TTC28: variants seen among roughly 807,000 people sequenced by gnomAD.
TTC28 encodes tetratricopeptide repeat protein 28.
Under a neutral mutation model 198.0 loss-of-function variants are expected in TTC28, and 61 were observed. That is an observed-to-expected ratio of 0.31 (90% CI 0.25 to 0.38). TTC28 has a LOEUF of 0.38. TTC28 is among the 10% of genes least tolerant of loss of function. The pLI is 1.00. For synonymous variants in TTC28, 1,171 were observed against 1,297.8 expected, an observed-to-expected ratio of 0.90 and a Z score of 2.10; for missense variants, 2,678 against 3,164.0, an observed-to-expected ratio of 0.85 and a Z score of 3.69.
At chr22:28,215,212 C>T (rs1227122827) in intron 5 of TTC28, among the ~76,000 whole-genome samples, 1 of 152,162 alleles carries the variant, frequency 6.6e-6, no homozygotes, top group Non-Finnish European at 1.5e-5. Context: ...AGCACACCAA[C>T]ATGGCACATG....
At chr22:28,117,954 G>T (rs1411477874) in intron 6 of TTC28, among the ~76,000 whole-genome samples, 3 of 152,178 alleles carry the variant, frequency 2.0e-5, no homozygotes, top group Non-Finnish European at 4.4e-5. Context: ...TGGATTATTT[G>T]TCACACAAAG....
chr22:28,403,438 C>T (rs2046950435), intron 2 of TTC28, among the ~76,000 whole-genome samples: 1 of 152,156 alleles, frequency 6.6e-6, no homozygotes, highest in Non-Finnish European at 1.5e-5. Context: ...ATAAAATGAA[C>T]AATTGCCCTG....
chr22:28,059,443 T>G (rs566804431), intron 12 of TTC28, among the ~76,000 whole-genome samples: 1 of 152,154 alleles, frequency 6.6e-6, no homozygotes, highest in South Asian at 2.1e-4. Flanking sequence ...TCAAAATGTG[T>G]TTTATAGTCT....
At chr22:28,330,252 C>T (rs892574930) in intron 2 of TTC28, among the ~76,000 whole-genome samples, 31 of 152,122 alleles carry the variant, frequency 2.0e-4, no homozygotes, top group African/African-American at 7.5e-4. Flanking sequence ...CCTAGTATTA[C>T]CTATATTTCA....
intron 2 of TTC28, among the ~76,000 whole-genome samples, chr22:28,474,215 A>T (rs2048132860): frequency 6.6e-6 from 1 of 152,268 alleles, no homozygotes. Context: ...TAGAAAGCAG[A>T]TGAACAAGTG....
intron 6 of TTC28, among the ~76,000 whole-genome samples, chr22:28,151,400 A>G (rs1943605617): frequency 6.6e-6 from 1 of 152,214 alleles, no homozygotes; most frequent in Admixed American, 6.5e-5. Context: ...TTCCAGCAAC[A>G]GTTTTGCAGC....
rs115199188 is a variant in TTC28, at chr22:28,063,993, C to T, written c.3932+30087G>A. Among the ~76,000 whole-genome samples, 537 of 152,172 alleles carry T rather than the reference C, an allele frequency of 3.5e-3. 4 individuals carry two copies. The highest frequency in any genetic ancestry group is 0.012 in the African/African-American group (509 of 41,508). On this transcript the variant is annotated intron_variant, in intron 12 of 22. Coordinates refer to ENST00000397906, the MANE Select transcript of TTC28 (RefSeq NM_001145418.2). ...TAGGAGGGTTCTTGTATCTGCAGAG[C>T]ATTTGTTGAAATGAACTGTAAAAAG...
chr22:28,195,986 C>T (rs1413403085), intron 5 of TTC28, among the ~76,000 whole-genome samples: 1 of 151,878 alleles, frequency 6.6e-6, no homozygotes, highest in Non-Finnish European at 1.5e-5. Flanking sequence ...CAAGTCAATC[C>T]TAAGCCAAAA....
intron 5 of TTC28, among the ~76,000 whole-genome samples, chr22:28,180,840 G>A (rs1455519466): frequency 1.3e-5 from 2 of 152,126 alleles, no homozygotes; most frequent in African/African-American, 2.4e-5. Flanking sequence ...TAATTACATG[G>A]TCTTTAATGG....
At chr22:28,534,516 G>C (rs1176187900) in intron 2 of TTC28, among the ~76,000 whole-genome samples, 2 of 152,124 alleles carry the variant, frequency 1.3e-5, no homozygotes, top group African/African-American at 2.4e-5. Context: ...GATTCCTCAA[G>C]GATTTAGAAC....
chr22:28,453,662 C>A (rs567918934), intron 2 of TTC28, among the ~76,000 whole-genome samples: 1 of 152,296 alleles, frequency 6.6e-6, no homozygotes, highest in South Asian at 2.1e-4. Flanking sequence ...GTCCTCAGCT[C>A]TCTCCCAACA....
At chr22:28,034,304 T>A (rs1418249751) in intron 12 of TTC28, among the ~76,000 whole-genome samples, 4 of 152,140 alleles carry the variant, frequency 2.6e-5, no homozygotes, top group African/African-American at 9.7e-5. Context: ...CACCAGCTGC[T>A]CAGGACTGGC....
Position 28,107,061 on chromosome 22 carries a change from C to A in TTC28, c.2783+1G>T. The A allele has an allele frequency of 6.5e-7, 1 of 1,544,670 alleles. No individual in the cohort carries two copies. The highest frequency in any genetic ancestry group is 1.2e-5 in the South Asian group (1 of 83,288). Reference sequence around the variant, plus strand: ...CCACAATTGTCCTTGGTCATTTTTACCTGTGTCCATTTCCCAGGCCCCGGT... The same window carrying A: ...CCACAATTGTCCTTGGTCATTTTTAACTGTGTCCATTTCCCAGGCCCCGGT... On this transcript the variant is annotated splice_donor_variant, in intron 7 of 22. Transcript: ENST00000397906. LOFTEE classifies it high-confidence loss of function.
intron 5 of TTC28, among the ~76,000 whole-genome samples, chr22:28,182,260 A>G (rs1467868534): frequency 1.3e-5 from 2 of 152,186 alleles, no homozygotes; most frequent in Admixed American, 1.3e-4. Flanking sequence ...ATATTCTATC[A>G]CAATGCTATC....
chr22:28,195,729 G>T (rs1481831326), intron 5 of TTC28, among the ~76,000 whole-genome samples: 1 of 118,498 alleles, frequency 8.4e-6, no homozygotes, highest in East Asian at 2.5e-4. Flanking sequence ...CAACTTACAA[G>T]GGATGTGAAG....
At chr22:28,141,287 T>C (rs961802314) in intron 6 of TTC28, among the ~76,000 whole-genome samples, 1 of 152,220 alleles carries the variant, frequency 6.6e-6, no homozygotes, top group African/African-American at 2.4e-5. Context: ...GGCTTTAGTT[T>C]CCTTCATAGT....
chr22:28,053,097 A>C (rs540915802), intron 12 of TTC28, among the ~76,000 whole-genome samples: 4 of 152,256 alleles, frequency 2.6e-5, no homozygotes, highest in Non-Finnish European at 5.9e-5. Flanking sequence ...GAACCTGTCT[A>C]CATAGCTCAG....
At chr22:28,522,910 T>C (rs1195723104) in intron 2 of TTC28, among the ~76,000 whole-genome samples, 1 of 151,872 alleles carries the variant, frequency 6.6e-6, no homozygotes, top group Non-Finnish European at 1.5e-5. Context: ...TGATCGTTAA[T>C]GGGTAAAGGG....
intron 3 of TTC28, among the ~76,000 whole-genome samples, chr22:28,300,543 C>G (rs1006249422): frequency 1.3e-5 from 2 of 151,720 alleles, no homozygotes; most frequent in African/African-American, 4.8e-5. Flanking sequence ...TTTCCCTTCT[C>G]GGTATATAGG....
Sources: gnomAD v4.1 joint callset for allele counts (sites outside exome capture counted in the v4.1 genomes callset) on GRCh38, gnomAD v4.1.1 for gene constraint, MANE v1.5 for transcripts, NCBI Gene and HGNC (gene_info 2026-07-23, HGNC 2026-07-21) for gene names.